The following TMEM74 variants were observed in gnomAD, a reference collection of about 807,000 sequenced individuals.
TMEM74 encodes transmembrane protein 74.
Under a neutral mutation model 18.1 loss-of-function variants are expected in TMEM74, and 13 were observed. That is an observed-to-expected ratio of 0.72 (90% CI 0.47 to 1.14). TMEM74 has a LOEUF of 1.14. Ranked by LOEUF, TMEM74 falls within the 50% of genes most tolerant of loss-of-function variation. The pLI is 0.00. For synonymous variants in TMEM74, 159 were observed against 146.6 expected, an observed-to-expected ratio of 1.08 and a Z score of -0.61; for missense variants, 372 against 375.9, an observed-to-expected ratio of 0.99 and a Z score of 0.09.
chr8:108,746,795 A>G (rs192838424), intron 1 of TMEM74, among the ~76,000 whole-genome samples: 3 of 152,212 alleles, frequency 2.0e-5, no homozygotes, highest in Admixed American at 6.5e-5. Context: ...TGCCTTCACA[A>G]TGAAATCTCA....
Position 108,787,473 on chromosome 8 carries a change from C to G in TMEM74, c.-40+3G>C, listed in dbSNP as rs913450628. 2.0e-5 allele frequency: 3 copies of G among 152,618 alleles called. No homozygotes were observed. The highest frequency in any genetic ancestry group is 7.2e-5 in the African/African-American group (3 of 41,484). The allele number at this position is 152,618 out of a possible 1,614,324, so 9.5% of individuals were successfully genotyped here. A position where few individuals can be genotyped will look rare whatever the true frequency, so the allele number is the denominator to read the frequency against. ...CCACCCCATCCCACTCCCCGCCACT[C>G]ACCTTCTGCTTCGGCCACCCGGTGC... On this transcript the variant is annotated splice_donor_region_variant and intron_variant, in intron 1 of 1. Transcript: ENST00000297459.
rs1342366194 is a variant in TMEM74, at chr8:108,785,044, T to C, written c.55A>G (p.Arg19Gly). Residue 19 changes from arginine (R) to glycine (G), a missense_variant, in exon 2 of 2, where the codon AGG (arginine) becomes GGG (glycine). Transcript: ENST00000297459. Reference sequence around the variant, plus strand: ...GGCAGCCCTCTTGAACTCCAGTCCCTGGCATCACAGAGGTCTGCCTGGTTG... The same window carrying C: ...GGCAGCCCTCTTGAACTCCAGTCCCCGGCATCACAGAGGTCTGCCTGGTTG... Reference protein sequence around the residue: ...KSNQADLCDARDWSSRGLPGD... With the variant: ...KSNQADLCDAGDWSSRGLPGD... The C allele has an allele frequency of 6.2e-7, 1 of 1,613,868 alleles. No individual in the cohort carries two copies. Among genetic ancestry groups the C allele is most frequent in the African/African-American group, 1.3e-5 (1 of 75,046 alleles).
intron 1 of TMEM74, among the ~76,000 whole-genome samples, chr8:108,705,908 A>T (rs950825600): frequency 5.9e-5 from 9 of 152,182 alleles, no homozygotes; most frequent in Non-Finnish European, 4.4e-5. Flanking sequence ...TGGCCTGAGG[A>T]TGTTCATGTT....
intron 1 of TMEM74, among the ~76,000 whole-genome samples, chr8:108,720,523 C>T (rs1379727986): frequency 1.3e-5 from 2 of 152,034 alleles, no homozygotes; most frequent in Non-Finnish European, 2.9e-5. Context: ...TCTAATAGTC[C>T]CCATAGCCAT....
chr8:108,724,826 C>T (rs1023284755), intron 1 of TMEM74, among the ~76,000 whole-genome samples: 2 of 152,090 alleles, frequency 1.3e-5, no homozygotes, highest in African/African-American at 2.4e-5. Flanking sequence ...TTAGCTTCTG[C>T]GTCAGTCTCC....
chr8:108,751,132 C>T (rs1030368117), intron 1 of TMEM74, among the ~76,000 whole-genome samples: 1 of 152,066 alleles, frequency 6.6e-6, no homozygotes, highest in African/African-American at 2.4e-5. Context: ...GGGACAGATA[C>T]CTTACAATAT....
At chr8:108,701,251 C>G (rs1436783329) in intron 1 of TMEM74, among the ~76,000 whole-genome samples, 1 of 150,116 alleles carries the variant, frequency 6.7e-6, no homozygotes, top group Non-Finnish European at 1.5e-5. Context: ...ATTTCTCCAA[C>G]TTGATAAAGA....
chr8:108,762,483 C>T (rs767284809), intron 1 of TMEM74, among the ~76,000 whole-genome samples: 2 of 152,014 alleles, frequency 1.3e-5, no homozygotes, highest in Admixed American at 6.6e-5. Context: ...GTTTATCTGT[C>T]GTAAGTATTC....
At chr8:108,787,189 C>A (rs540592523) in intron 1 of TMEM74, among the ~76,000 whole-genome samples, 125 of 152,290 alleles carry the variant, frequency 8.2e-4, no homozygotes, top group Non-Finnish European at 1.6e-3. Flanking sequence ...CTGACACAGG[C>A]AAGGCTGATC....
At chr8:108,640,523 T>G (rs1812653270) in intron 2 of TMEM74, among the ~76,000 whole-genome samples, 1 of 152,152 alleles carries the variant, frequency 6.6e-6, no homozygotes, top group Admixed American at 6.6e-5. Flanking sequence ...ATCAGCCTTT[T>G]TTCAATCTAA....
intron 2 of TMEM74, among the ~76,000 whole-genome samples, chr8:108,621,463 G>A (rs1048861778): frequency 2.0e-5 from 3 of 152,314 alleles, no homozygotes; most frequent in Middle Eastern, 3.4e-3. Flanking sequence ...AAGGTCTAGA[G>A]AGGCCCAGGT....
intron 1 of TMEM74, among the ~76,000 whole-genome samples, chr8:108,689,087 T>G (rs1586261808): frequency 6.6e-6 from 1 of 152,218 alleles, no homozygotes; most frequent in Admixed American, 6.5e-5. Context: ...ACAAAGTCAC[T>G]TAAGTGACTC....
At position 108,699,183 on chromosome 8, in the gene TMEM74, T is replaced by TCCTC. The variant is rs1171916387; in HGVS notation, n.120-43750_120-43747dup. On this transcript the variant is annotated intron_variant and non_coding_transcript_variant, in intron 1 of 3. Coordinates refer to the TMEM74 transcript ENST00000518838. ...TTCCTTCCTTCCTTCCTTCCTTCCT[T>TCCTC]CCTCCCTCCCTCCCTCCCTCCCTCC... Among the ~76,000 whole-genome samples the TCCTC allele has an allele frequency of 1.2e-3, 83 of 70,466 alleles. 3 individuals are homozygous for TCCTC. Among genetic ancestry groups the TCCTC allele is most frequent in the South Asian group, 8.6e-3 (13 of 1,504 alleles). 46.2% of individuals were successfully genotyped at this position (70,466 alleles called of 152,430 possible).
At chr8:108,719,720 GA>G (rs1813567672) in intron 1 of TMEM74, among the ~76,000 whole-genome samples, 1 of 152,124 alleles carries the variant, frequency 6.6e-6, no homozygotes, top group African/African-American at 2.4e-5. Context: ...GGGGGGTGGG[GA>G]AAATCAGATT....
intron 1 of TMEM74, among the ~76,000 whole-genome samples, chr8:108,657,708 T>C (rs1430388142): frequency 7.3e-5 from 11 of 150,430 alleles, no homozygotes; most frequent in African/African-American, 2.7e-4. Flanking sequence ...CTGCGCATGT[T>C]GATGTGTGCC....
chr8:108,612,569 A>G (rs899318180), intron 2 of TMEM74, among the ~76,000 whole-genome samples: 3 of 152,236 alleles, frequency 2.0e-5, no homozygotes, highest in Non-Finnish European at 2.9e-5. Context: ...GAGCTTTAAC[A>G]GGAGTCAATC....
At chr8:108,628,893 GA>G (rs748659601) in intron 2 of TMEM74, among the ~76,000 whole-genome samples, 5 of 151,934 alleles carry the variant, frequency 3.3e-5, no homozygotes, top group South Asian at 2.1e-4. Flanking sequence ...GTGATGGTGA[GA>G]TTTTTTTTTC....
chr8:108,704,068 A>G (rs1384211966), intron 1 of TMEM74, among the ~76,000 whole-genome samples: 1 of 152,236 alleles, frequency 6.6e-6, no homozygotes, highest in Non-Finnish European at 1.5e-5. Context: ...TTAGGGTTAG[A>G]AAAGACTTTA....
At chr8:108,687,474 T>C (rs1813182601) in intron 1 of TMEM74, among the ~76,000 whole-genome samples, 1 of 152,044 alleles carries the variant, frequency 6.6e-6, no homozygotes, top group Non-Finnish European at 1.5e-5. Flanking sequence ...ACGGACAGGG[T>C]CGAGGATGTT....
Sources: gnomAD v4.1 joint callset for allele counts (sites outside exome capture counted in the v4.1 genomes callset) on GRCh38, gnomAD v4.1.1 for gene constraint, MANE v1.5 for transcripts, NCBI Gene and HGNC (gene_info 2026-07-23, HGNC 2026-07-21) for gene names.